CA8: variants seen among roughly 807,000 people sequenced by gnomAD.
CA8 encodes the protein carbonic anhydrase-related protein.
CA8 carries 22 observed loss-of-function variants against 41.4 expected under a neutral mutation model. The observed-to-expected ratio is 0.53, with a 90% CI of 0.38 to 0.76. The LOEUF (loss-of-function observed/expected upper bound fraction) is 0.76. Ranked by LOEUF, CA8 falls within the 30% of genes least tolerant of loss-of-function variation. CA8 has a pLI of 0.00. For missense variants in CA8, 270 were observed against 352.8 expected (o/e 0.77, Z 1.88); for synonymous variants, 121 against 130.6 (o/e 0.93, Z 0.50).
At position 60,229,148 on chromosome 8, in the gene CA8, C is replaced by T. The variant is rs116670975; in HGVS notation, c.514-2213G>A. The stretch of plus-strand genomic sequence containing the variant: ...CGTTCTCCTTTCCTGGCATCTCAGC[C>T]CTGAACCACCTGTTTTTTTTTTGTT... On this transcript the variant is annotated intron_variant, in intron 4 of 8. Coordinates refer to ENST00000317995, the MANE Select transcript of CA8 (RefSeq NM_004056.6). Among the ~76,000 whole-genome samples the T allele has an allele frequency of 6.4e-3, 877 of 137,928 alleles. 5 individuals carry two copies. The highest frequency in any genetic ancestry group is 0.024 in the African/African-American group (829 of 35,214). 90.5% of individuals were successfully genotyped at this position (137,928 alleles called of 152,430 possible).
At chr8:60,269,194 G>A (rs1352022656) in intron 2 of CA8, among the ~76,000 whole-genome samples, 2 of 152,016 alleles carry the variant, frequency 1.3e-5, no homozygotes, top group East Asian at 3.8e-4. Context: ...TATCCATCTG[G>A]TAACCCTCTT....
intron 3 of CA8, 68 bp downstream of exon 3, chr8:60,265,857 T>C: frequency 6.5e-7 from 1 of 1,542,538 alleles, no homozygotes; most frequent in Non-Finnish European, 8.9e-7. Context: ...AACTAAATCA[T>C]TTTCAGTAAA....
intron 8 of CA8, among the ~76,000 whole-genome samples, chr8:60,201,895 C>T (rs1233171101): frequency 2.0e-5 from 3 of 152,190 alleles, no homozygotes; most frequent in Non-Finnish European, 4.4e-5. Flanking sequence ...AAGCTGAAAG[C>T]TGTTCAGAAT....
chr8:60,275,950 C>T (rs1368100331), intron 2 of CA8, among the ~76,000 whole-genome samples: 1 of 152,176 alleles, frequency 6.6e-6, no homozygotes, highest in African/African-American at 2.4e-5. Context: ...AAACATCAAA[C>T]GAAGTCAAGA....
intron 3 of CA8, among the ~76,000 whole-genome samples, chr8:60,256,978 TATTTTTA>T (rs1381313652): frequency 1.3e-5 from 2 of 152,206 alleles, no homozygotes; most frequent in Admixed American, 6.5e-5. Context: ...TTTATTTGTT[TATTTTTA>T]ATTTTTTTTT....
chr8:60,263,906 A>T (rs1009769668), intron 3 of CA8, among the ~76,000 whole-genome samples: 1 of 152,252 alleles, frequency 6.6e-6, no homozygotes, highest in Non-Finnish European at 1.5e-5. Context: ...ACACTGGATG[A>T]CTGATACAAG....
chr8:60,275,909 T>C (rs1804217514), intron 2 of CA8, among the ~76,000 whole-genome samples: 1 of 152,154 alleles, frequency 6.6e-6, no homozygotes, highest in East Asian at 1.9e-4. Context: ...ACTGCAACGC[T>C]GGAAGCTTCA....
rs5891756 is a variant in CA8, at chr8:60,266,117, CT to C, written c.293-69del. Reference sequence around the variant, plus strand: ...ACCTCAGCATTATAAACATTAGAGACTTTTTTTTTTTCCACCAAAATGCTCT... The same window carrying C: ...ACCTCAGCATTATAAACATTAGAGACTTTTTTTTTTCCACCAAAATGCTCT... On this transcript the variant is annotated intron_variant, in intron 2 of 8. Coordinates refer to ENST00000317995, the MANE Select transcript of CA8 (RefSeq NM_004056.6). 0.53 allele frequency: 651,121 copies of C among 1,233,448 alleles called. 147,830 individuals are homozygous for C. Among genetic ancestry groups the C allele is most frequent in the African/African-American group, 0.77 (49,416 of 63,804 alleles). 76.4% of individuals were successfully genotyped at this position (1,233,448 alleles called of 1,614,324 possible). A position where few individuals can be genotyped will look rare whatever the true frequency, so the allele number is the denominator to read the frequency against.
intron 2 of CA8, among the ~76,000 whole-genome samples, chr8:60,268,664 TCTA>T (rs1803974050): frequency 6.6e-6 from 1 of 152,220 alleles, no homozygotes; most frequent in Non-Finnish European, 1.5e-5. Flanking sequence ...GTTTTGATCA[TCTA>T]CTACCTTGTA....
chr8:60,254,700 C>T (rs1301297711), intron 3 of CA8, among the ~76,000 whole-genome samples: 1 of 152,132 alleles, frequency 6.6e-6, no homozygotes, highest in Non-Finnish European at 1.5e-5. Flanking sequence ...CATAAACCAC[C>T]CTTAGTTATA....
chr8:60,230,147 T>C (rs1807590862), intron 4 of CA8, among the ~76,000 whole-genome samples: 1 of 152,232 alleles, frequency 6.6e-6, no homozygotes, highest in Admixed American at 6.5e-5. Flanking sequence ...ATGAACTCCC[T>C]CAATGTCCTG....
At chr8:60,202,439 C>T (rs1172598368) in intron 8 of CA8, among the ~76,000 whole-genome samples, 4 of 151,982 alleles carry the variant, frequency 2.6e-5, no homozygotes, top group Admixed American at 2.0e-4. Context: ...ATATATGAAC[C>T]GCACCTCATA....
chr8:60,270,918 C>A (rs1047558148), intron 2 of CA8, among the ~76,000 whole-genome samples: 8 of 152,122 alleles, frequency 5.3e-5, no homozygotes, highest in Non-Finnish European at 1.2e-4. Flanking sequence ...ATATCTTCAG[C>A]TCTTAAGGGT....
intron 3 of CA8, among the ~76,000 whole-genome samples, chr8:60,260,935 G>C (rs1056952580): frequency 6.6e-6 from 1 of 152,008 alleles, no homozygotes; most frequent in Non-Finnish European, 1.5e-5. Context: ...ACTCTTCCTG[G>C]GATCTCCTTA....
chr8:60,279,844 C>T lies in CA8; in HGVS notation c.137G>A (p.Gly46Glu), dbSNP rs745780775. 2 of 1,613,436 alleles carry T rather than the reference C, an allele frequency of 1.2e-6. No individual in the cohort carries two copies. Among genetic ancestry groups the T allele is most frequent in the South Asian group, 1.1e-5 (1 of 90,918 alleles). Residue 46 changes from glycine (G) to glutamate (E), a missense_variant, in exon 2 of 9, where the codon GGG becomes GAG. Gly to Glu is a moderately conservative substitution (Grantham distance 98). This residue lies in a region of CA8 where 123 missense variants were observed against 136.8 expected (regional missense o/e 0.90). Coordinates refer to ENST00000317995, the MANE Select transcript of CA8 (RefSeq NM_004056.6). ...EWGLVFPDAN[G>E]EYQSPINLNS... ...TAGGTTAATAGGAGACTGGTATTCC[C>T]CATTAGCATCAGGAAACACCAGACC...
At chr8:60,244,904 T>C (rs781486532) in intron 3 of CA8, among the ~76,000 whole-genome samples, 105 of 152,292 alleles carry the variant, frequency 6.9e-4, no homozygotes, top group Non-Finnish European at 1.3e-3. Context: ...GGGTACAGTG[T>C]ATAGGGATGA....
chr8:60,247,224 T>A (rs1808278491), intron 3 of CA8, among the ~76,000 whole-genome samples: 1 of 152,122 alleles, frequency 6.6e-6, no homozygotes, highest in South Asian at 2.1e-4. Context: ...CATATTTTCT[T>A]TTTTTCTTTT....
chr8:60,281,013 C>T, intron 1 of CA8, 35 bp downstream of exon 1: 3 of 1,509,232 alleles, frequency 2.0e-6, no homozygotes, highest in East Asian at 2.3e-5. Context: ...GACGCCGCCG[C>T]GGGACCCCGG....
chr8:60,201,302 G>C (rs375801420), intron 8 of CA8, among the ~76,000 whole-genome samples: 2 of 152,200 alleles, frequency 1.3e-5, no homozygotes, highest in African/African-American at 4.8e-5. Context: ...ATGTAAATGA[G>C]TCATGTGTTG....
Sources: allele counts gnomAD v4.1 joint callset (sites outside exome capture counted in the v4.1 genomes callset), GRCh38; gene constraint gnomAD v4.1.1; regional missense constraint gnomAD v4.1.1; transcripts MANE v1.5; gene names NCBI Gene and HGNC (gene_info 2026-07-23, HGNC 2026-07-21).